The following SGSH variants were observed in gnomAD, a reference collection of about 807,000 sequenced individuals.
SGSH encodes N-sulfoglucosamine sulfohydrolase, also known as heparan sulfate sulfatase.
SGSH carries 48 observed loss-of-function variants against 51.0 expected under a neutral mutation model. The ratio of observed to expected loss-of-function variants is 0.94; its 90% CI spans 0.75 to 1.20. The LOEUF is 1.20. Ranked by LOEUF, SGSH falls within the 50% of genes most tolerant of loss-of-function variation. SGSH has a pLI of 0.00. For synonymous variants in SGSH, 321 were observed against 313.4 expected (o/e 1.02, Z -0.26); for missense variants, 662 against 717.8 (o/e 0.92, Z 0.89).
chr17:80,210,530 G>T lies in SGSH; in HGVS notation c.1431C>A (p.Asp477Glu). Reference sequence around the variant, plus strand: ...CGCCGTCGGGGGCGCACACCCAGGGGTCGTGGGTCTCCCACTGCCACTTGG... The same window carrying T: ...CGCCGTCGGGGGCGCACACCCAGGGTTCGTGGGTCTCCCACTGCCACTTGG... ...QLAKWQWETH[D>E]PWVCAPDGVL... Residue 477 changes from aspartate (D) to glutamate (E), a missense_variant, in exon 8 of 8, where the codon GAC becomes GAA. Physicochemically the swap from Asp to Glu is conservative, Grantham distance 45. Coordinates refer to ENST00000326317, the MANE Select transcript of SGSH (RefSeq NM_000199.5). 6.2e-7 allele frequency: 1 copy of T among 1,611,412 alleles called. No homozygotes were observed. Among genetic ancestry groups the T allele is most frequent in the South Asian group, 1.1e-5 (1 of 90,988 alleles).
rs4889840 is a variant in SGSH at position 80,215,210 on chromosome 17, C to T, written c.250-72G>A. On this transcript the variant is annotated intron_variant, in intron 2 of 7. Transcript: ENST00000326317. ...CCCGCCTGCCGCACCTGTTCTCCCA[C>T]GGCCCTCCCATCCCCAGGGGCCTTC... The T allele has an allele frequency of 0.48, 541,246 of 1,122,506 alleles. 132,137 individuals carry two copies. Among genetic ancestry groups the T allele is most frequent in the East Asian group, 0.67 (27,039 of 40,132 alleles). The allele number at this position is 1,122,506 out of a possible 1,614,324, so 69.5% of individuals were successfully genotyped here. A position where few individuals can be genotyped will look rare whatever the true frequency, so the allele number is the denominator to read the frequency against.
At chr17:80,217,905 T>G (rs1324371421) in intron 1 of SGSH, among the ~76,000 whole-genome samples, 2 of 151,960 alleles carry the variant, frequency 1.3e-5, no homozygotes, top group African/African-American at 4.8e-5. Flanking sequence ...CAGGTGGGCA[T>G]GGTACACAGG....
downstream of SGSH, chr17:80,208,318 G>T (rs1484562517): frequency 1.9e-6 from 3 of 1,604,534 alleles, no homozygotes; most frequent in Non-Finnish European, 2.5e-6. Context: ...AGAAGAAGGT[G>T]GTGTGGACGG....
chr17:80,216,728 G>T, intron 2 of SGSH: 1 of 453,122 alleles, frequency 2.2e-6, no homozygotes, highest in South Asian at 2.7e-5. Context: ...CATTAGCCCC[G>T]CCAATCTCCA....
chr17:80,220,122 G>T, intron 1 of SGSH, 104 bp downstream of exon 1: 1 of 756,820 alleles, frequency 1.3e-6, no homozygotes, highest in Non-Finnish European at 2.1e-6. Flanking sequence ...GGATACAAGG[G>T]CAGGGCACAC....
downstream of SGSH, chr17:80,208,232 A>G: frequency 6.4e-7 from 1 of 1,571,874 alleles, no homozygotes; most frequent in African/African-American, 1.3e-5. Flanking sequence ...CTGTCTATAC[A>G]GCAGCCTGGC....
At chr17:80,211,424 C>T (rs1250735779) in intron 7 of SGSH, 3 of 310,324 alleles carry the variant, frequency 9.7e-6, no homozygotes, top group African/African-American at 6.5e-5. Flanking sequence ...GTCCCGGGCC[C>T]ACCCCACCTG....
chr17:80,215,445 G>A (rs748280370), intron 2 of SGSH, among the ~76,000 whole-genome samples: 4 of 152,232 alleles, frequency 2.6e-5, no homozygotes, highest in African/African-American at 4.8e-5. Context: ...ATGATCACAC[G>A]TTACAGAGTG....
At chr17:80,214,404 C>T in intron 4 of SGSH, 76 bp from the exon 5 acceptor site, 1 of 1,514,834 alleles carries the variant, frequency 6.6e-7, no homozygotes, top group Non-Finnish European at 8.9e-7. Flanking sequence ...GGCTCTGCCT[C>T]CTCCTCTGTA....
downstream of SGSH, among the ~76,000 whole-genome samples, chr17:80,206,371 T>A (rs2099251173): frequency 6.6e-6 from 1 of 152,182 alleles, no homozygotes; most frequent in Non-Finnish European, 1.5e-5. Context: ...CCCCACACTT[T>A]GGGAGGCCTA....
chr17:80,214,083 T>C (rs975288528), intron 5 of SGSH, 89 bp downstream of exon 5: 1 of 1,500,772 alleles, frequency 6.7e-7, no homozygotes, highest in African/African-American at 1.4e-5. Flanking sequence ...TTCTTCATCA[T>C]CTAGGGCCAG....
chr17:80,208,327 G>C (rs1411024608), downstream of SGSH: 12 of 1,599,876 alleles, frequency 7.5e-6, no homozygotes, highest in Non-Finnish European at 1.0e-5. Flanking sequence ...TGGTGTGGAC[G>C]GAGCAGAGCC....
At position 80,209,629 on chromosome 17, in the gene SGSH, C is replaced by G. The variant is rs1427047661; in HGVS notation, c.*823G>C. The G allele has an allele frequency of 2.1e-6, 2 of 960,340 alleles. No homozygotes were observed. Among genetic ancestry groups the G allele is most frequent in the Non-Finnish European group, 2.5e-6 (2 of 807,222 alleles). 59.5% of individuals were successfully genotyped at this position (960,340 alleles called of 1,614,324 possible). On this transcript the variant is annotated 3_prime_UTR_variant, in exon 8 of 8. Coordinates refer to ENST00000326317, the MANE Select transcript of SGSH (RefSeq NM_000199.5). The stretch of plus-strand genomic sequence containing the variant: ...GCAGAGGATGGGCATTGCCACCCAG[C>G]AACGCCAGTGTCACCGAAGAATTAA...
chr17:80,208,331 C>T (rs752112547), downstream of SGSH: 29 of 1,598,944 alleles, frequency 1.8e-5, no homozygotes, highest in Non-Finnish European at 2.3e-5. Flanking sequence ...GTGGACGGAG[C>T]AGAGCCCCCG....
chr17:80,209,823 T>G lies in SGSH; in HGVS notation c.*629A>C, dbSNP rs1366951901. The G allele has an allele frequency of 5.1e-6, 5 of 987,642 alleles. No homozygotes were observed. The highest frequency in any genetic ancestry group is 1.7e-5 in the African/African-American group (1 of 57,266). 61.2% of individuals were successfully genotyped at this position (987,642 alleles called of 1,614,324 possible). ...CAAGCTCATCACTCAGGGAGCCTGC[T>G]GCCAATCAGCTGAAACCTGCCTGGG... On this transcript the variant is annotated 3_prime_UTR_variant, in exon 8 of 8. Coordinates refer to ENST00000326317, the MANE Select transcript of SGSH (RefSeq NM_000199.5).
At chr17:80,205,652 G>C (rs1448084917), downstream of SGSH, 1 of 1,560,922 alleles carries the variant, frequency 6.4e-7, no homozygotes, top group Non-Finnish European at 8.7e-7. Flanking sequence ...TCATGGAAAA[G>C]GTGAGGTCAA....
intron 7 of SGSH, 107 bp downstream of exon 7, chr17:80,211,962 GAT>G (rs1282363739): frequency 1.1e-6 from 1 of 880,490 alleles, no homozygotes; most frequent in Admixed American, 2.0e-5. Flanking sequence ...TCACCCAGAT[GAT>G]ATGAGAGCCA....
At chr17:80,204,314 G>T (rs761853579), downstream of SGSH, 3 of 1,589,940 alleles carry the variant, frequency 1.9e-6, no homozygotes, top group African/African-American at 1.3e-5. Flanking sequence ...CTTTGACAGG[G>T]GCCAGTTGGA....
chr17:80,204,103 C>A, downstream of SGSH: 1 of 984,260 alleles, frequency 1.0e-6, no homozygotes, highest in Non-Finnish European at 1.5e-6. Context: ...TCAGGCTGTT[C>A]TCAGAGCATC....
Sources: allele counts gnomAD v4.1 joint callset (sites outside exome capture counted in the v4.1 genomes callset), GRCh38; gene constraint gnomAD v4.1.1; transcripts MANE v1.5; gene names NCBI Gene and HGNC (gene_info 2026-07-23, HGNC 2026-07-21).